BMP6: variants seen among roughly 807,000 people sequenced by gnomAD.
BMP6 encodes the protein VG-1-R.
A neutral mutation model predicts 54.1 loss-of-function variants in BMP6; 17 were observed. The observed-to-expected ratio is 0.31, with a 90% CI of 0.22 to 0.47. BMP6 has a LOEUF of 0.47. Among genes scored for constraint, BMP6 ranks in the 20% least tolerant of loss-of-function variants. The pLI, the probability that BMP6 is intolerant of heterozygous loss-of-function variation, is 1.00. For synonymous variants in BMP6, 328 were observed against 291.2 expected (o/e 1.13, Z -1.28); for missense variants, 720 against 690.4 (o/e 1.04, Z -0.48).
At chr6:7,866,790 A>G (rs796627097) in intron 4 of BMP6, among the ~76,000 whole-genome samples, 29 of 152,326 alleles carry the variant, frequency 1.9e-4, no homozygotes, top group African/African-American at 6.5e-4. Flanking sequence ...CCAACCATCT[A>G]TGACCCAGCA....
At chr6:7,739,695 C>G (rs1429177215) in intron 1 of BMP6, among the ~76,000 whole-genome samples, 1 of 152,118 alleles carries the variant, frequency 6.6e-6, no homozygotes, top group East Asian at 1.9e-4. Flanking sequence ...ACCTGCCCAC[C>G]ATTTGGGGAG....
chr6:7,733,615 C>T (rs965189068), intron 1 of BMP6, among the ~76,000 whole-genome samples: 1 of 152,218 alleles, frequency 6.6e-6, no homozygotes, highest in Non-Finnish European at 1.5e-5. Context: ...CTGGCATCTT[C>T]TCTTGTGTTC....
intron 4 of BMP6, among the ~76,000 whole-genome samples, chr6:7,876,936 G>A (rs9505295): frequency 0.046 from 6,961 of 150,548 alleles, 314 homozygotes; most frequent in African/African-American, 0.12. Context: ...GTTTTGTTTT[G>A]GTATTCTTCC....
intron 2 of BMP6, among the ~76,000 whole-genome samples, chr6:7,854,956 TC>T (rs781603821): frequency 6.6e-6 from 1 of 152,168 alleles, no homozygotes; most frequent in African/African-American, 2.4e-5. Flanking sequence ...AAAGTTTCCA[TC>T]CTCTTTCCCC....
intron 1 of BMP6, among the ~76,000 whole-genome samples, chr6:7,733,744 C>A (rs1000885398): frequency 6.6e-6 from 1 of 152,188 alleles, no homozygotes; most frequent in Non-Finnish European, 1.5e-5. Flanking sequence ...CTCTTCAACA[C>A]CCTCACTCCC....
At chr6:7,769,263 G>T (rs1757746126) in intron 1 of BMP6, among the ~76,000 whole-genome samples, 1 of 152,214 alleles carries the variant, frequency 6.6e-6, no homozygotes, top group Admixed American at 6.5e-5. Context: ...TTACCAAAAT[G>T]ATGAGCAACC....
rs1252114843 is a variant in BMP6 at position 7,813,667 on chromosome 6, AAACC to A, written c.665-31472_665-31469del. Among the ~76,000 whole-genome samples, 13 of 66,094 alleles carry A rather than the reference AAACC, an allele frequency of 2.0e-4. 5 individuals are homozygous for A. Among genetic ancestry groups the A allele is most frequent in the South Asian group, 1.2e-3 (2 of 1,726 alleles). The allele number at this position is 66,094 out of a possible 152,430, so 43.4% of individuals were successfully genotyped here. The stretch of plus-strand genomic sequence containing the variant: ...CAAAAAAAAAAAAAAAAAAAAAAAA[AAACC>A]CACCAAACCCAGTATAGAAAATATA... On this transcript the variant is annotated intron_variant, in intron 1 of 6. Transcript: ENST00000283147.
intron 1 of BMP6, among the ~76,000 whole-genome samples, chr6:7,803,605 C>T (rs567744422): frequency 1.3e-5 from 2 of 152,298 alleles, no homozygotes; most frequent in South Asian, 4.1e-4. Flanking sequence ...CCCCACCCTG[C>T]AAGGCCTGGT....
intron 1 of BMP6, among the ~76,000 whole-genome samples, chr6:7,777,271 ATG>A (rs1757875758): frequency 6.6e-6 from 1 of 152,184 alleles, no homozygotes; most frequent in Admixed American, 6.5e-5. Context: ...GGTGGCCTTC[ATG>A]TGTGTTTCAG....
intron 1 of BMP6, among the ~76,000 whole-genome samples, chr6:7,752,561 T>G (rs1191892106): frequency 1.4e-5 from 2 of 146,304 alleles, no homozygotes; most frequent in East Asian, 3.9e-4. Context: ...CAACATAGGT[T>G]TTTTTTTTTT....
At chr6:7,864,646 C>A (rs58567390) in intron 4 of BMP6, among the ~76,000 whole-genome samples, 2,309 of 152,226 alleles carry the variant, frequency 0.015, 56 homozygotes, top group African/African-American at 0.053. Context: ...CTTAAATCAA[C>A]CATCTATTTT....
At chr6:7,788,372 C>A (rs1362275834) in intron 1 of BMP6, among the ~76,000 whole-genome samples, 1 of 152,150 alleles carries the variant, frequency 6.6e-6, no homozygotes, top group Non-Finnish European at 1.5e-5. Flanking sequence ...TATGTGTATA[C>A]CATCACTAAC....
intron 2 of BMP6, among the ~76,000 whole-genome samples, chr6:7,859,707 G>A (rs983594622): frequency 2.6e-5 from 4 of 152,054 alleles, no homozygotes; most frequent in African/African-American, 9.7e-5. Context: ...GCTCACAGTT[G>A]TTACCTCAGT....
At chr6:7,811,396 A>ACTAT (rs1758433486) in intron 1 of BMP6, among the ~76,000 whole-genome samples, 1 of 152,020 alleles carries the variant, frequency 6.6e-6, no homozygotes, top group Admixed American at 6.6e-5. Flanking sequence ...AAAATGGGAG[A>ACTAT]CTATCTAGAA....
At position 7,834,820 on chromosome 6, in the gene BMP6, C is replaced by T. The variant is rs149419654; in HGVS notation, c.665-10320C>T. On this transcript the variant is annotated intron_variant, in intron 1 of 6. Transcript: ENST00000283147. ...GATCGGGAGATAAATGGTGTAAAAT[C>T]AGTAGCTAAGAGATGTGGACATTAG... 6.5e-3 allele frequency among the ~76,000 whole-genome samples: 997 copies of T among 152,242 alleles called. 2 individuals carry two copies. The highest frequency in any genetic ancestry group is 0.011 in the Non-Finnish European group (750 of 68,010).
intron 4 of BMP6, among the ~76,000 whole-genome samples, chr6:7,866,722 G>A (rs796576902): frequency 2.0e-5 from 3 of 152,178 alleles, no homozygotes; most frequent in South Asian, 2.1e-4. Context: ...AATGATCCAT[G>A]TGAAATTGGA....
chr6:7,856,953 G>A (rs144835993), intron 2 of BMP6, among the ~76,000 whole-genome samples: 110 of 152,270 alleles, frequency 7.2e-4, no homozygotes, highest in Non-Finnish European at 1.3e-3. Context: ...CTTTGACCCC[G>A]GCATTGTGAC....
At chr6:7,754,692 G>A (rs1336508301) in intron 1 of BMP6, among the ~76,000 whole-genome samples, 3 of 151,992 alleles carry the variant, frequency 2.0e-5, no homozygotes, top group Non-Finnish European at 2.9e-5. Flanking sequence ...GTGTGCACAC[G>A]GCATAATGTT....
chr6:7,813,108 AATATATAT>A lies in BMP6; in HGVS notation c.665-31998_665-31991del, dbSNP rs1182296124. 9.6e-3 allele frequency among the ~76,000 whole-genome samples: 205 copies of A among 21,406 alleles called. 1 individual carries two copies. Among genetic ancestry groups the A allele is most frequent in the South Asian group, 0.017 (6 of 362 alleles). 14.0% of individuals were successfully genotyped at this position (21,406 alleles called of 152,430 possible). A position where few individuals can be genotyped will look rare whatever the true frequency, so the allele number is the denominator to read the frequency against. ...CTACAAAAAAAAAAAAAAAAAAAAA[AATATATAT>A]ATATATATATATATATATATATATA... is the stretch of plus-strand genomic sequence containing the variant. On this transcript the variant is annotated intron_variant, in intron 1 of 6. Coordinates refer to ENST00000283147, the MANE Select transcript of BMP6 (RefSeq NM_001718.6).
Sources: gnomAD v4.1 joint callset for allele counts (sites outside exome capture counted in the v4.1 genomes callset) on GRCh38, gnomAD v4.1.1 for gene constraint, MANE v1.5 for transcripts, NCBI Gene and HGNC (gene_info 2026-07-23, HGNC 2026-07-21) for gene names.